Variants in OCA2 observed in about 807,000 individuals in gnomAD.
The protein encoded by OCA2 is OCA2 melanosomal transmembrane protein.
OCA2 carries 77 observed loss-of-function variants against 100.2 expected under a neutral mutation model. The observed-to-expected ratio is 0.77, with a 90% CI of 0.64 to 0.93. The LOEUF (loss-of-function observed/expected upper bound fraction) is 0.93. OCA2 is among the 40% of genes least tolerant of loss of function. The pLI is 0.00. For missense variants in OCA2, 1,062 were observed against 1,089.1 expected, an observed-to-expected ratio of 0.98 and a Z score of 0.35; for synonymous variants, 432 against 439.2, an observed-to-expected ratio of 0.98 and a Z score of 0.21.
At chr15:28,044,318 T>G (rs2043286016) in intron 2 of OCA2, among the ~76,000 whole-genome samples, 1 of 152,220 alleles carries the variant, frequency 6.6e-6, no homozygotes, top group Non-Finnish European at 1.5e-5. Flanking sequence ...CTATCTCATG[T>G]TCCTAGGTAG....
intron 23 of OCA2, among the ~76,000 whole-genome samples, chr15:27,791,900 A>G (rs1360949189): frequency 1.3e-5 from 2 of 152,214 alleles, no homozygotes; most frequent in Non-Finnish European, 2.9e-5. Context: ...AGTGGAGCTG[A>G]CTTCCTAATC....
rs537902014 is a variant in OCA2 at position 27,979,936 on chromosome 15, G to A, written c.1503+3409C>T. Among the ~76,000 whole-genome samples, 135 of 144,578 alleles carry A rather than the reference G, an allele frequency of 9.3e-4. 2 individuals carry two copies. The highest frequency in any genetic ancestry group is 7.2e-3 in the South Asian group (33 of 4,554). 94.8% of individuals were successfully genotyped at this position (144,578 alleles called of 152,430 possible). A position where few individuals can be genotyped will look rare whatever the true frequency, so the allele number is the denominator to read the frequency against. ...TAACCGTGTTAGCCAGGATGGTCTC[G>A]ATCTCCACACCTCATGATCCACCCG... On this transcript the variant is annotated intron_variant, in intron 14 of 23. Transcript: ENST00000354638.
chr15:27,959,459 C>A (rs1295336053), intron 15 of OCA2, among the ~76,000 whole-genome samples: 1 of 152,350 alleles, frequency 6.6e-6, no homozygotes, highest in East Asian at 1.9e-4. Flanking sequence ...AATGTAAGTT[C>A]AGACAGAGCC....
chr15:27,995,570 T>C (rs984473662), intron 9 of OCA2, among the ~76,000 whole-genome samples: 1 of 151,432 alleles, frequency 6.6e-6, no homozygotes, highest in African/African-American at 2.4e-5. Context: ...TTTTTTTTTT[T>C]CAGAGATGGA....
intron 15 of OCA2, among the ~76,000 whole-genome samples, chr15:27,962,454 G>C (rs558572499): frequency 1.3e-5 from 2 of 152,324 alleles, no homozygotes; most frequent in South Asian, 4.1e-4. Context: ...TGCCGTGTGG[G>C]ATGTGCTCTG....
At chr15:27,921,807 TCCTCCCA>T (rs1278347742) in intron 19 of OCA2, among the ~76,000 whole-genome samples, 2 of 152,160 alleles carry the variant, frequency 1.3e-5, no homozygotes, top group Non-Finnish European at 2.9e-5. Flanking sequence ...AGCATAGTGC[TCCTCCCA>T]CATCAGCCTC....
intron 2 of OCA2, among the ~76,000 whole-genome samples, chr15:28,041,107 C>A (rs117985415): frequency 6.6e-6 from 1 of 152,038 alleles, no homozygotes; most frequent in African/African-American, 2.4e-5. Flanking sequence ...AAATCCTCAA[C>A]AAAATACTCA....
chr15:27,738,864 G>A, the OCA2 span, among the ~76,000 whole-genome samples: 1 of 152,052 alleles, frequency 6.6e-6, no homozygotes, highest in African/African-American at 2.4e-5. Flanking sequence ...TTTCCTTTAT[G>A]TGTGTTGTAC....
intron 2 of OCA2, among the ~76,000 whole-genome samples, chr15:28,066,116 C>T (rs1236514802): frequency 6.6e-6 from 1 of 152,030 alleles, no homozygotes; most frequent in Non-Finnish European, 1.5e-5. Flanking sequence ...GTTTTATGTA[C>T]CAACACTGAA....
At chr15:27,963,083 A>G (rs2040458429) in intron 15 of OCA2, among the ~76,000 whole-genome samples, 1 of 152,226 alleles carries the variant, frequency 6.6e-6, no homozygotes, top group African/African-American at 2.4e-5. Flanking sequence ...AAGATGAAAG[A>G]ACAATCCTAA....
chr15:27,825,024 A>G (rs968718981), intron 23 of OCA2, among the ~76,000 whole-genome samples: 2 of 152,246 alleles, frequency 1.3e-5, no homozygotes, highest in Non-Finnish European at 2.9e-5. Context: ...AGTTTTAATT[A>G]AGGTCTGATC....
At chr15:28,034,263 G>C (rs1008593220) in intron 2 of OCA2, among the ~76,000 whole-genome samples, 1 of 152,162 alleles carries the variant, frequency 6.6e-6, no homozygotes, top group African/African-American at 2.4e-5. Context: ...CTGCACTCCA[G>C]CCTGGAGGAG....
downstream of OCA2, among the ~76,000 whole-genome samples, chr15:27,753,050 T>G (rs920433454): frequency 6.6e-6 from 1 of 151,730 alleles, no homozygotes; most frequent in Non-Finnish European, 1.5e-5. Context: ...CTCAGCAACA[T>G]TGAGGGGCAG....
chr15:28,042,015 G>T (rs959241819), intron 2 of OCA2, among the ~76,000 whole-genome samples: 1 of 152,152 alleles, frequency 6.6e-6, no homozygotes, highest in Non-Finnish European at 1.5e-5. Context: ...CAAAGAGATG[G>T]GGTAAAAGAG....
At chr15:28,055,275 C>G (rs1165659924) in intron 2 of OCA2, among the ~76,000 whole-genome samples, 2 of 152,208 alleles carry the variant, frequency 1.3e-5, no homozygotes, top group Non-Finnish European at 2.9e-5. Context: ...TTCCCTCATT[C>G]CTTCTCGTCT....
At chr15:27,915,763 A>G (rs1281049695) in intron 19 of OCA2, among the ~76,000 whole-genome samples, 1 of 152,188 alleles carries the variant, frequency 6.6e-6, no homozygotes, top group African/African-American at 2.4e-5. Context: ...TGCTGATTAG[A>G]GTATAAGTCA....
In OCA2 at chr15:28,016,019, G is replaced by A. The variant is rs144629166; in HGVS notation, c.890+85C>T. The A allele has an allele frequency of 1.3e-4, 135 of 1,061,924 alleles. 2 individuals carry two copies. The highest frequency in any genetic ancestry group is 1.2e-3 in the East Asian group (52 of 42,344). 65.8% of individuals were successfully genotyped at this position (1,061,924 alleles called of 1,614,324 possible). ...ATGCTGACCTGGTGCTGTGTGGGCC[G>A]AAATCAGTGTCCTATAGGTCAGACT... On this transcript the variant is annotated intron_variant, in intron 8 of 23. Coordinates refer to ENST00000354638, the MANE Select transcript of OCA2 (RefSeq NM_000275.3).
intron 1 of OCA2, among the ~76,000 whole-genome samples, chr15:28,082,894 C>A (rs1053382102): frequency 6.6e-6 from 1 of 152,134 alleles, no homozygotes; most frequent in African/African-American, 2.4e-5. Flanking sequence ...GTAATGCTGT[C>A]CTACTTTGGG....
intron 15 of OCA2, 142 bp downstream of exon 15, chr15:27,966,548 T>C: frequency 2.3e-6 from 2 of 857,450 alleles, no homozygotes; most frequent in South Asian, 2.8e-5. Flanking sequence ...CAGTGTATAC[T>C]AGAAGGTGGA....
Sources: gnomAD v4.1 joint callset for allele counts (sites outside exome capture counted in the v4.1 genomes callset) on GRCh38, gnomAD v4.1.1 for gene constraint, MANE v1.5 for transcripts, NCBI Gene and HGNC (gene_info 2026-07-23, HGNC 2026-07-21) for gene names.